L3MBTL4: variants seen among roughly 807,000 people sequenced by gnomAD.
L3MBTL4 encodes the protein L3MBTL histone methyl-lysine binding protein 4.
In L3MBTL4, 70 loss-of-function variants were observed where a neutral mutation model predicts 84.5. That is an observed-to-expected ratio of 0.83 (90% confidence interval 0.68 to 1.01). The LOEUF (loss-of-function observed/expected upper bound fraction) is 1.01. Ranked by LOEUF, L3MBTL4 falls within the 50% of genes least tolerant of loss-of-function variation. The probability of loss-of-function intolerance (pLI) is 0.00; values close to 1 mark genes in which losing one functional copy is unlikely to be tolerated. For synonymous variants in L3MBTL4, 274 were observed against 259.8 expected (o/e 1.05, Z -0.52); for missense variants, 715 against 754.8 (o/e 0.95, Z 0.62).
Position 5,958,055 on chromosome 18 carries a change from G to A in L3MBTL4, c.1678-1668C>T, listed in dbSNP as rs983786867. Among the ~76,000 whole-genome samples the A allele has an allele frequency of 6.8e-5, 9 of 133,180 alleles. No homozygotes were observed. In the East Asian group the frequency reaches 1.3e-3, roughly 19 times the overall value. 87.4% of individuals were successfully genotyped at this position (133,180 alleles called of 152,430 possible). On this transcript the variant is annotated intron_variant, in intron 18 of 18. Coordinates refer to ENST00000317931, the MANE Select transcript of L3MBTL4 (RefSeq NM_001330559.2). ...AGGAGGAGGAGGAGGAGAAGGAGAA[G>A]GAGAAGGAGAAGAAGAAGAAGAAGA...
intron 16 of L3MBTL4, among the ~76,000 whole-genome samples, chr18:5,972,478 G>C (rs958093317): frequency 6.6e-6 from 1 of 152,124 alleles, no homozygotes; most frequent in Non-Finnish European, 1.5e-5. Context: ...GGTCCCCAGT[G>C]TGTTGTGAAT....
At chr18:5,972,891 AG>A (rs1239757010) in intron 16 of L3MBTL4, among the ~76,000 whole-genome samples, 6 of 141,426 alleles carry the variant, frequency 4.2e-5, no homozygotes, top group Non-Finnish European at 9.0e-5. Context: ...ATAGAACAGA[AG>A]AGAATAGAAT....
Position 6,030,932 on chromosome 18 carries a change from G to A in L3MBTL4, c.1444+49949C>T, listed in dbSNP as rs998414350. On this transcript the variant is annotated intron_variant, in intron 16 of 18. Coordinates refer to ENST00000317931, the MANE Select transcript of L3MBTL4 (RefSeq NM_001330559.2). ...GTTTTTCCCTTTATAAATACAATAA[G>A]TTTATTGTTATGAAATACTCAATGA... 4 of 984,256 alleles carry A rather than the reference G, an allele frequency of 4.1e-6. No individual in the cohort carries two copies. The African/African-American group carries it at 5.2e-5, about 13-fold the overall frequency. 61.0% of individuals were successfully genotyped at this position (984,256 alleles called of 1,614,324 possible). A position where few individuals can be genotyped will look rare whatever the true frequency, so the allele number is the denominator to read the frequency against.
rs144346849 is a variant in L3MBTL4, at chr18:6,111,426, A to C, written c.1200-17898T>G. ...ACAATTATTATTATTTTTTAAGCAC[A>C]CTAGTCCCTGGGCCAACTTTATGCA... On this transcript the variant is annotated intron_variant, in intron 14 of 18. Transcript: ENST00000317931. 1.6e-4 allele frequency among the ~76,000 whole-genome samples: 24 copies of C among 152,338 alleles called. 1 individual carries two copies. The highest frequency in any genetic ancestry group is 5.8e-4 in the African/African-American group (24 of 41,588).
chr18:5,964,840 C>A (rs547770563), intron 17 of L3MBTL4, among the ~76,000 whole-genome samples: 121 of 152,342 alleles, frequency 7.9e-4, no homozygotes, highest in Non-Finnish European at 1.3e-3. Flanking sequence ...AATCAGGGAA[C>A]AGACTACATA....
intron 13 of L3MBTL4, among the ~76,000 whole-genome samples, chr18:6,146,992 G>A (rs1402055083): frequency 6.6e-6 from 1 of 152,112 alleles, no homozygotes; most frequent in Non-Finnish European, 1.5e-5. Context: ...TATGTTCTCG[G>A]TGAAACAGGC....
chr18:6,015,447 C>A (rs2054922756), intron 16 of L3MBTL4, among the ~76,000 whole-genome samples: 1 of 151,982 alleles, frequency 6.6e-6, no homozygotes, highest in African/African-American at 2.4e-5. Flanking sequence ...ATCACAATAC[C>A]AAAAATGTGG....
intron 16 of L3MBTL4, among the ~76,000 whole-genome samples, chr18:6,061,881 C>G (rs1439492927): frequency 1.3e-5 from 2 of 151,890 alleles, no homozygotes; most frequent in South Asian, 4.1e-4. Context: ...CATGCAAGCA[C>G]CTTATAGCAG....
At chr18:6,282,171 A>G (rs2049349692) in intron 4 of L3MBTL4, among the ~76,000 whole-genome samples, 1 of 152,210 alleles carries the variant, frequency 6.6e-6, no homozygotes, top group South Asian at 2.1e-4. Context: ...CTCATGGAGG[A>G]CCTACTGTGT....
intron 1 of L3MBTL4, among the ~76,000 whole-genome samples, chr18:6,314,057 GAT>G (rs1422752497): frequency 2.8e-5 from 3 of 107,684 alleles, no homozygotes; most frequent in Non-Finnish European, 4.0e-5. Flanking sequence ...TAGATAGATA[GAT>G]AGATAGATAG....
chr18:6,103,574 T>C (rs2058901965), intron 14 of L3MBTL4, among the ~76,000 whole-genome samples: 1 of 152,252 alleles, frequency 6.6e-6, no homozygotes, highest in African/African-American at 2.4e-5. Flanking sequence ...AAATTATTCA[T>C]GAATTAAAAG....
At chr18:6,039,466 T>C (rs1486043161) in intron 16 of L3MBTL4, among the ~76,000 whole-genome samples, 2 of 152,188 alleles carry the variant, frequency 1.3e-5, no homozygotes, top group Admixed American at 1.3e-4. Context: ...GAGCCTTCAC[T>C]TTTTGAGTTT....
At chr18:6,243,700 A>C (rs939877906) in intron 6 of L3MBTL4, among the ~76,000 whole-genome samples, 1 of 152,204 alleles carries the variant, frequency 6.6e-6, no homozygotes, top group African/African-American at 2.4e-5. Flanking sequence ...TTATGTATTC[A>C]TTAATTAACT....
chr18:6,082,859 C>T (rs1165979165), intron 15 of L3MBTL4, among the ~76,000 whole-genome samples: 1 of 152,132 alleles, frequency 6.6e-6, no homozygotes, highest in Non-Finnish European at 1.5e-5. Context: ...AAGCCAAATC[C>T]TGTGAGTAGT....
At chr18:5,984,478 C>T (rs193034047) in intron 16 of L3MBTL4, among the ~76,000 whole-genome samples, 96 of 152,202 alleles carry the variant, frequency 6.3e-4, no homozygotes, top group Middle Eastern at 3.4e-3. Flanking sequence ...CTGAAAATGA[C>T]GACAGATGAA....
At chr18:6,407,261 C>T (rs1248399704) in intron 1 of L3MBTL4, among the ~76,000 whole-genome samples, 1 of 152,228 alleles carries the variant, frequency 6.6e-6, no homozygotes, top group South Asian at 2.1e-4. Context: ...AGTGGGGACG[C>T]TCCTTCGAGT....
Position 6,209,043 on chromosome 18 carries a change from T to A in L3MBTL4, c.981+4106A>T, listed in dbSNP as rs115758884. Among the ~76,000 whole-genome samples, 441 of 152,272 alleles carry A rather than the reference T, an allele frequency of 2.9e-3. 3 individuals are homozygous for A. Among genetic ancestry groups the A allele is most frequent in the African/African-American group, 0.01 (424 of 41,546 alleles). On this transcript the variant is annotated intron_variant, in intron 12 of 18. Coordinates refer to ENST00000317931, the MANE Select transcript of L3MBTL4 (RefSeq NM_001330559.2). ...ATCCCCCAGCACTGACCATGTATGATCTCCAATTCCAATGGCTTATCACAG... is the reference window on the plus strand; with the variant it reads ...ATCCCCCAGCACTGACCATGTATGAACTCCAATTCCAATGGCTTATCACAG...
At chr18:6,176,900 A>G (rs1302351911) in intron 12 of L3MBTL4, among the ~76,000 whole-genome samples, 1 of 152,168 alleles carries the variant, frequency 6.6e-6, no homozygotes, top group Non-Finnish European at 1.5e-5. Flanking sequence ...TAACATCTCA[A>G]TATCACTCTT....
rs557570932 is a variant in L3MBTL4, at chr18:5,956,409, C to A, written c.1678-22G>T. 8.2e-5 allele frequency: 132 copies of A among 1,610,130 alleles called. 1 individual carries two copies. In the South Asian group the frequency reaches 1.3e-3, roughly 16 times the overall value. ...TCTGCTGCAAATACATAAATAGACA[C>A]AAATAAAAATGTTTTGCCACGGAAG... On this transcript the variant is annotated intron_variant, in intron 18 of 18. Coordinates refer to ENST00000317931, the MANE Select transcript of L3MBTL4 (RefSeq NM_001330559.2).
Sources: gnomAD v4.1 joint callset for allele counts (sites outside exome capture counted in the v4.1 genomes callset) on GRCh38, gnomAD v4.1.1 for gene constraint, MANE v1.5 for transcripts, NCBI Gene and HGNC (gene_info 2026-07-23, HGNC 2026-07-21) for gene names.